The following ASIP variants were observed in gnomAD, a reference collection of about 807,000 sequenced individuals.
ASIP encodes the protein agouti-signaling protein.
In ASIP, 11 loss-of-function variants were observed where a neutral mutation model predicts 10.3. The ratio of observed to expected loss-of-function variants is 1.07; its 90% confidence interval spans 0.68 to 1.78. The LOEUF is 1.78. Among genes scored for constraint, ASIP ranks in the 40% most tolerant of loss-of-function variants. The probability of loss-of-function intolerance (pLI) is 0.00; values close to 1 mark genes in which losing one functional copy is unlikely to be tolerated. For synonymous variants in ASIP, 70 were observed against 70.8 expected (o/e 0.99, Z 0.06); for missense variants, 180 against 169.2 (o/e 1.06, Z -0.35).
At chr20:34,241,593 A>G (rs887299758) in intron 1 of ASIP, 104 bp downstream of exon 1, 2 of 957,210 alleles carry the variant, frequency 2.1e-6, no homozygotes, top group African/African-American at 3.5e-5. Context: ...TGGAAAGTTA[A>G]ACAGATTTTT....
chr20:34,251,319 G>A (rs1372504476), intron 1 of ASIP, among the ~76,000 whole-genome samples: 2 of 151,550 alleles, frequency 1.3e-5, no homozygotes, highest in Non-Finnish European at 2.9e-5. Flanking sequence ...CGCCCAGGCT[G>A]GAGTGCAGTG....
intron 1 of ASIP, among the ~76,000 whole-genome samples, chr20:34,217,593 G>T (rs8183502): frequency 6.6e-6 from 1 of 151,586 alleles, no homozygotes; most frequent in South Asian, 2.1e-4. Context: ...ACGGAGTCTC[G>T]CTTTGTTGCC....
At chr20:34,262,451 A>G (rs761540677) in intron 2 of ASIP, among the ~76,000 whole-genome samples, 24 of 152,074 alleles carry the variant, frequency 1.6e-4, no homozygotes, top group Admixed American at 3.3e-4. Context: ...ACAGGAGTCC[A>G]TTTTCTGGGT....
intron 1 of ASIP, among the ~76,000 whole-genome samples, chr20:34,258,770 A>C (rs1205310): frequency 7.8e-5 from 7 of 90,306 alleles, no homozygotes; most frequent in African/African-American, 2.9e-4. Context: ...GATATATATA[A>C]TATATATAGT....
chr20:34,196,065 T>G (rs1384051710), intron 1 of ASIP, among the ~76,000 whole-genome samples: 1 of 152,010 alleles, frequency 6.6e-6, no homozygotes, highest in East Asian at 1.9e-4. Flanking sequence ...GGGTAAGCAT[T>G]CTAGCAAAGA....
intron 1 of ASIP, chr20:34,234,783 C>A (rs1300039361): frequency 7.2e-5 from 11 of 152,312 alleles, no homozygotes; most frequent in Non-Finnish European, 1.6e-4. Flanking sequence ...CACTGTACTC[C>A]AGCCTGGGTG....
chr20:34,255,914 G>C (rs2035560198), intron 1 of ASIP, among the ~76,000 whole-genome samples: 1 of 152,156 alleles, frequency 6.6e-6, no homozygotes, highest in Non-Finnish European at 1.5e-5. Context: ...GGGGGAGTTA[G>C]AGAAGACTCT....
chr20:34,245,195 G>A (rs577969393), intron 1 of ASIP, among the ~76,000 whole-genome samples: 6 of 151,310 alleles, frequency 4.0e-5, no homozygotes, highest in South Asian at 2.1e-4. Context: ...TTAGCTGGGC[G>A]TGGTGGCAGG....
At position 34,220,334 on chromosome 20, in the gene ASIP, C is replaced by A. The variant is rs111645613; in HGVS notation, c.-11+25574C>A. On this transcript the variant is annotated intron_variant, in intron 1 of 3. Coordinates refer to the ASIP transcript ENST00000568305. ...CACAGGGGCCGGGTGCAGTGGCTCACGCCTGTAATCCCAACACTTTGGGAG... is the reference window on the plus strand; with the variant it reads ...CACAGGGGCCGGGTGCAGTGGCTCAAGCCTGTAATCCCAACACTTTGGGAG... 2.1e-3 allele frequency among the ~76,000 whole-genome samples: 314 copies of A among 152,152 alleles called. 1 individual carries two copies. The highest frequency in any genetic ancestry group is 7.3e-3 in the African/African-American group (302 of 41,524).
rs535803413 is a variant in ASIP, at chr20:34,258,753, A to G, written c.-10-1612A>G. 3.7e-4 allele frequency among the ~76,000 whole-genome samples: 31 copies of G among 84,048 alleles called. 3 individuals carry two copies. In the South Asian group the frequency reaches 9.1e-3, roughly 25 times the overall value. The allele number at this position is 84,048 out of a possible 152,430, so 55.1% of individuals were successfully genotyped here. A position where few individuals can be genotyped will look rare whatever the true frequency, so the allele number is the denominator to read the frequency against. ...TATATAGTATATATATACTATATAT[A>G]ATATATGATATATATAATATATATA... is the stretch of plus-strand genomic sequence containing the variant. On this transcript the variant is annotated intron_variant, in intron 1 of 3. Coordinates refer to ENST00000374954, the MANE Select transcript of ASIP (RefSeq NM_001672.3).
At chr20:34,246,686 G>A (rs1296333604) in intron 1 of ASIP, 3 of 465,792 alleles carry the variant, frequency 6.4e-6, no homozygotes, top group Admixed American at 6.0e-5. Flanking sequence ...TTGAACTCCT[G>A]ACCTCAAGTG....
intron 1 of ASIP, among the ~76,000 whole-genome samples, chr20:34,212,087 T>C (rs1265393363): frequency 6.6e-6 from 1 of 152,192 alleles, no homozygotes; most frequent in Non-Finnish European, 1.5e-5. Context: ...ATTTTGTAAC[T>C]CCATGTTTTA....
chr20:34,250,603 G>C (rs2035458120), intron 1 of ASIP, among the ~76,000 whole-genome samples: 1 of 152,162 alleles, frequency 6.6e-6, no homozygotes. Context: ...TTTGAGACCA[G>C]CCTGGTCAAC....
rs562174937 is a variant in ASIP, at chr20:34,227,308, T to C, written c.-11+32548T>C. ...CTCATATACTGAAACCATAAGACAT[T>C]AATGAGAGAAATTAATACTTAAATA... On this transcript the variant is annotated intron_variant, in intron 1 of 3. Transcript: ENST00000568305. Among the ~76,000 whole-genome samples the C allele has an allele frequency of 2.0e-5, 3 of 152,148 alleles. No individual in the cohort carries two copies. In the East Asian group the frequency reaches 5.8e-4, roughly 29 times the overall value.
At chr20:34,215,231 A>C in intron 1 of ASIP, 2 of 1,582,842 alleles carry the variant, frequency 1.3e-6, no homozygotes, top group East Asian at 4.5e-5. Context: ...TCATTGGCTA[A>C]AAGGGATAAG....
upstream of ASIP, among the ~76,000 whole-genome samples, chr20:34,192,519 T>A (rs566895530): frequency 1.1e-4 from 14 of 126,968 alleles, no homozygotes; most frequent in Admixed American, 7.0e-5. Context: ...TTTTTTCTTC[T>A]TCTTTTTTTT....
chr20:34,219,633 A>G (rs750790932), intron 1 of ASIP, among the ~76,000 whole-genome samples: 4 of 152,240 alleles, frequency 2.6e-5, no homozygotes, highest in African/African-American at 7.2e-5. Context: ...ATAACACTGT[A>G]TAAGCACTTA....
chr20:34,252,090 G>A (rs762692657), intron 1 of ASIP, among the ~76,000 whole-genome samples: 2 of 152,210 alleles, frequency 1.3e-5, no homozygotes, highest in Non-Finnish European at 2.9e-5. Context: ...TCTATAGTGA[G>A]TCATATAGTC....
intron 1 of ASIP, chr20:34,214,223 C>T: frequency 7.3e-7 from 1 of 1,364,608 alleles, no homozygotes; most frequent in Non-Finnish European, 1.0e-6. Flanking sequence ...ATCTAGAAAA[C>T]AGGTAAGCCA....
Sources: gnomAD v4.1 joint callset for allele counts (sites outside exome capture counted in the v4.1 genomes callset) on GRCh38, gnomAD v4.1.1 for gene constraint, MANE v1.5 for transcripts, NCBI Gene and HGNC (gene_info 2026-07-23, HGNC 2026-07-21) for gene names.